The following PHF20 variants were observed in gnomAD, a reference collection of about 807,000 sequenced individuals.
PHF20 encodes the protein glioma-expressed antigen 2.
Under a neutral mutation model 113.5 loss-of-function variants are expected in PHF20, and 23 were observed. That is an observed-to-expected ratio of 0.20 (90% CI 0.15 to 0.29). The LOEUF (loss-of-function observed/expected upper bound fraction) is 0.29, where lower values mean the gene tolerates loss of function less well. Among genes scored for constraint, PHF20 ranks in the 10% least tolerant of loss-of-function variants. The probability of loss-of-function intolerance (pLI) is 1.00; values close to 1 mark genes in which losing one functional copy is unlikely to be tolerated. For missense variants in PHF20, 943 were observed against 1,219.6 expected, an observed-to-expected ratio of 0.77 and a Z score of 3.38; for synonymous variants, 434 against 457.3, an observed-to-expected ratio of 0.95 and a Z score of 0.65.
At chr20:35,885,856 A>T (rs1055472483) in intron 9 of PHF20, among the ~76,000 whole-genome samples, 2 of 152,168 alleles carry the variant, frequency 1.3e-5, no homozygotes, top group African/African-American at 4.8e-5. Context: ...TCCTCATCAA[A>T]CTTTCACCCA....
intron 1 of PHF20, among the ~76,000 whole-genome samples, chr20:35,799,833 A>G (rs2041743857): frequency 6.6e-6 from 1 of 151,900 alleles, no homozygotes; most frequent in Non-Finnish European, 1.5e-5. Flanking sequence ...GCGCCCCACT[A>G]ATTTTGTATT....
intron 1 of PHF20, 30 bp from the exon 2 acceptor site, chr20:35,801,461 G>A (rs896995747): frequency 4.8e-6 from 6 of 1,248,600 alleles, no homozygotes; most frequent in African/African-American, 3.0e-5. Flanking sequence ...CTTTGCCTAA[G>A]TTTCATAAAT....
intron 1 of PHF20, among the ~76,000 whole-genome samples, chr20:35,786,876 G>GT (rs2146839189): frequency 1.3e-5 from 2 of 152,178 alleles, no homozygotes; most frequent in South Asian, 4.1e-4. Context: ...CACGCAAGGA[G>GT]TAATAATAGT....
At chr20:35,786,944 G>C (rs2041430603) in intron 1 of PHF20, among the ~76,000 whole-genome samples, 1 of 150,628 alleles carries the variant, frequency 6.6e-6, no homozygotes, top group African/African-American at 2.4e-5. Flanking sequence ...TTATCTTCTT[G>C]AATCTATATA....
intron 9 of PHF20, among the ~76,000 whole-genome samples, chr20:35,876,702 G>A (rs1163086124): frequency 1.3e-5 from 2 of 152,154 alleles, no homozygotes; most frequent in South Asian, 4.1e-4. Context: ...TGGGCGTGGT[G>A]GCTCACGCCT....
intron 9 of PHF20, chr20:35,878,564 G>A (rs556845352): frequency 2.7e-6 from 2 of 738,064 alleles, no homozygotes; most frequent in African/African-American, 1.7e-5. Context: ...TGGAATAGAA[G>A]GTTTTGCAGC....
At position 35,809,991 on chromosome 20, in the gene PHF20, G is replaced by A. The variant is rs190540188; in HGVS notation, c.83+8386G>A. On this transcript the variant is annotated intron_variant, in intron 2 of 17. Coordinates refer to ENST00000374012, the MANE Select transcript of PHF20 (RefSeq NM_016436.5). ...GTCGCCTAGGCTGGAGTGCAGTGGC[G>A]CGATCTCAGCTCACTGCAACCTCCG... 3.9e-3 allele frequency among the ~76,000 whole-genome samples: 589 copies of A among 152,118 alleles called. 3 individuals are homozygous for A. The highest frequency in any genetic ancestry group is 5.2e-3 in the Admixed American group (80 of 15,272).
At chr20:35,893,020 C>T (rs972637651) in intron 9 of PHF20, among the ~76,000 whole-genome samples, 2 of 152,216 alleles carry the variant, frequency 1.3e-5, no homozygotes, top group African/African-American at 4.8e-5. Context: ...ATAGTGGCAC[C>T]TGGCAGTGTC....
intron 7 of PHF20, among the ~76,000 whole-genome samples, chr20:35,870,390 A>T (rs891670400): frequency 6.6e-6 from 1 of 150,438 alleles, no homozygotes; most frequent in African/African-American, 2.4e-5. Context: ...CTGAGGCAGG[A>T]GAATTGTTTG....
At chr20:35,843,647 A>G (rs1371816905) in intron 3 of PHF20, among the ~76,000 whole-genome samples, 1 of 151,972 alleles carries the variant, frequency 6.6e-6, no homozygotes, top group African/African-American at 2.4e-5. Context: ...CAGTGGTGCA[A>G]TCATGGCTCA....
At chr20:35,917,368 A>G (rs748112670) in intron 12 of PHF20, 116 bp from the exon 13 acceptor site, 17 of 917,946 alleles carry the variant, frequency 1.9e-5, no homozygotes, top group East Asian at 5.3e-5. Context: ...TCCTTGCCCT[A>G]TGAATGTTCT....
intron 9 of PHF20, among the ~76,000 whole-genome samples, chr20:35,893,198 A>G (rs776909714): frequency 5.3e-5 from 8 of 152,202 alleles, no homozygotes; most frequent in African/African-American, 1.9e-4. Context: ...TGCAGGGGGA[A>G]TTTTTAACCT....
At chr20:35,869,777 T>A (rs1467961963) in intron 7 of PHF20, among the ~76,000 whole-genome samples, 6 of 152,218 alleles carry the variant, frequency 3.9e-5, no homozygotes, top group African/African-American at 1.4e-4. Context: ...ATCATCTCCA[T>A]ATCCATAAAT....
intron 15 of PHF20, among the ~76,000 whole-genome samples, chr20:35,936,984 C>G (rs1166487464): frequency 2.6e-5 from 4 of 152,174 alleles, no homozygotes; most frequent in Non-Finnish European, 5.9e-5. Flanking sequence ...AGGCTACATA[C>G]AGCTTGGTCT....
At chr20:35,818,778 C>A (rs1362324420) in intron 2 of PHF20, among the ~76,000 whole-genome samples, 2 of 152,136 alleles carry the variant, frequency 1.3e-5, no homozygotes, top group Admixed American at 1.3e-4. Flanking sequence ...CTCAAGTGAT[C>A]TTCCTACCTT....
At chr20:35,892,451 C>T (rs998643510) in intron 9 of PHF20, among the ~76,000 whole-genome samples, 4 of 151,970 alleles carry the variant, frequency 2.6e-5, no homozygotes, top group Non-Finnish European at 4.4e-5. Flanking sequence ...TCAGGTGCTC[C>T]ACCTGCCTCA....
Position 35,784,529 on chromosome 20 carries a change from C to T in PHF20, c.-33+12450C>T, listed in dbSNP as rs572120523. On this transcript the variant is annotated intron_variant, in intron 1 of 17. Transcript: ENST00000374012. Reference sequence around the variant, plus strand: ...TCTGCTTACTGCAACCTCTGCCTTCCGGGCTCAAGAGATTCTCCTGCCTCA... The same window carrying T: ...TCTGCTTACTGCAACCTCTGCCTTCTGGGCTCAAGAGATTCTCCTGCCTCA... Among the ~76,000 whole-genome samples the T allele has an allele frequency of 5.7e-3, 852 of 150,028 alleles. 9 individuals carry two copies. The highest frequency in any genetic ancestry group is 0.019 in the African/African-American group (777 of 40,934).
At chr20:35,850,366 T>C (rs974971341) in intron 4 of PHF20, among the ~76,000 whole-genome samples, 1 of 135,918 alleles carries the variant, frequency 7.4e-6, no homozygotes, top group Non-Finnish European at 1.5e-5. Context: ...TGGAGTGCAG[T>C]GGCACAATCT....
chr20:35,812,765 G>A (rs1004590512), intron 2 of PHF20, among the ~76,000 whole-genome samples: 2 of 151,988 alleles, frequency 1.3e-5, no homozygotes, highest in Admixed American at 1.3e-4. Flanking sequence ...ATTTTTCCTT[G>A]TGCAAGTAGT....
Sources: allele counts gnomAD v4.1 joint callset (sites outside exome capture counted in the v4.1 genomes callset), GRCh38; gene constraint gnomAD v4.1.1; transcripts MANE v1.5; gene names NCBI Gene and HGNC (gene_info 2026-07-23, HGNC 2026-07-21).